Variants in ATXN2 observed in about 807,000 individuals in gnomAD.
ATXN2 encodes ataxin 2, also known as ataxin-2.
In ATXN2, 37 loss-of-function variants were observed where a neutral mutation model predicts 138.6. That is an observed-to-expected ratio of 0.27 (90% CI 0.21 to 0.35). The LOEUF is 0.35. Ranked by LOEUF, ATXN2 falls within the 10% of genes least tolerant of loss-of-function variation. The pLI, the probability that ATXN2 is intolerant of heterozygous loss-of-function variation, is 1.00. For synonymous variants in ATXN2, 549 were observed against 543.7 expected, an observed-to-expected ratio of 1.01 and a Z score of -0.13; for missense variants, 1,216 against 1,480.3, an observed-to-expected ratio of 0.82 and a Z score of 2.93.
At chr12:111,505,213 GA>G (rs374587661) in intron 14 of ATXN2, among the ~76,000 whole-genome samples, 2 of 150,736 alleles carry the variant, frequency 1.3e-5, no homozygotes, top group Non-Finnish European at 3.0e-5. Context: ...TGTGTCAAAA[GA>G]AAAAAAAAGT....
chr12:111,584,912 T>C (rs1182368317), intron 1 of ATXN2, among the ~76,000 whole-genome samples: 5 of 152,034 alleles, frequency 3.3e-5, no homozygotes, highest in Non-Finnish European at 5.9e-5. Flanking sequence ...GATCGGGCCA[T>C]TGCACTCCAG....
chr12:111,516,560 G>A lies in ATXN2; in HGVS notation c.1166-197C>T, dbSNP rs1043435701. Among the ~76,000 whole-genome samples, 2 of 152,144 alleles carry A rather than the reference G, an allele frequency of 1.3e-5. No individual in the cohort carries two copies. The highest frequency in any genetic ancestry group is 3.8e-4 in the East Asian group (2 of 5,200). On this transcript the variant is annotated intron_variant, in intron 9 of 24. Transcript: ENST00000673436. This position sits in a 1 kb window ranked among gnomAD's most constrained non-coding sequence, Gnocchi z 5.0. ...TCACATTTTACTTTAACCTCCTTAA[G>A]ATTAAGTCTGTTTAAATGAATACAC...
chr12:111,529,831 T>C (rs1010071723), intron 5 of ATXN2, among the ~76,000 whole-genome samples: 1 of 152,212 alleles, frequency 6.6e-6, no homozygotes, highest in Non-Finnish European at 1.5e-5. Flanking sequence ...AATGGTAGTG[T>C]TAAACATTAG....
In ATXN2 at chr12:111,552,289, C is replaced by A. The variant is rs1261584919; in HGVS notation, c.562G>T (p.Ala188Ser). 3.1e-6 allele frequency: 5 copies of A among 1,589,566 alleles called. No homozygotes were observed. In the Admixed American group the frequency reaches 7.5e-5, roughly 24 times the overall value. Reference protein sequence around the residue: ...VQFKDMDSSYAKRDAFTDSAI... With the variant: ...VQFKDMDSSYSKRDAFTDSAI... ...GGAAATCAAAACCCACCTCTTTTTG[C>A]ATAACTGGAGTCCATATCTTTAAAC... The change falls in exon 5 of 25, where the codon GCA (alanine) becomes TCA (serine). Residue 188 changes from alanine to serine, a missense_variant. Ala to Ser is a moderately conservative substitution (Grantham distance 99, BLOSUM62 1). Transcript: ENST00000673436. The surrounding 1 kb of genome is among the most constrained non-coding windows in gnomAD (Gnocchi z 4.1).
intron 21 of ATXN2, among the ~76,000 whole-genome samples, chr12:111,463,004 A>ATATATG (rs1555229575): frequency 3.3e-5 from 5 of 151,394 alleles, no homozygotes; most frequent in African/African-American, 9.8e-5. Flanking sequence ...ACACACACAT[A>ATATATG]TATGTATGTA....
In ATXN2 at chr12:111,485,704, A is replaced by G. The variant is rs1279886636; in HGVS notation, c.2457+9T>C. 6.2e-7 allele frequency: 1 copy of G among 1,613,610 alleles called. No individual in the cohort carries two copies. Among genetic ancestry groups the G allele is most frequent in the Non-Finnish European group, 8.5e-7 (1 of 1,179,720 alleles). ...GGAGGCTAAGTGAACATCAAATTCT[A>G]TGACTTACTTGCACGCCTGGGCTCA... On this transcript the variant is annotated intron_variant, in intron 17 of 24. Transcript: ENST00000673436.
At chr12:111,488,853 C>T (rs1289435103) in intron 14 of ATXN2, 73 bp from the exon 15 acceptor site, 1 of 1,254,346 alleles carries the variant, frequency 8.0e-7, no homozygotes, top group Non-Finnish European at 1.1e-6. Flanking sequence ...TGAGCACAAG[C>T]TACGTAATAT....
chr12:111,509,349 T>A (rs1879367295), intron 14 of ATXN2, among the ~76,000 whole-genome samples, 200 bp downstream of exon 14: 1 of 152,218 alleles, frequency 6.6e-6, no homozygotes, highest in Non-Finnish European at 1.5e-5. Context: ...ATTTGATACC[T>A]ACATATTGTT....
chr12:111,543,798 T>C (rs1881662392), intron 5 of ATXN2, among the ~76,000 whole-genome samples: 1 of 152,172 alleles, frequency 6.6e-6, no homozygotes, highest in Admixed American at 6.5e-5. Context: ...TACATTAGCG[T>C]GGGCACAGTG....
At chr12:111,503,506 A>G (rs941723511) in intron 14 of ATXN2, among the ~76,000 whole-genome samples, 1 of 152,242 alleles carries the variant, frequency 6.6e-6, no homozygotes, top group African/African-American at 2.4e-5. Flanking sequence ...ATAAGAGAAT[A>G]ACATTATATT....
intron 14 of ATXN2, among the ~76,000 whole-genome samples, chr12:111,507,121 A>C (rs1245962216): frequency 7.2e-6 from 1 of 138,170 alleles, no homozygotes; most frequent in Admixed American, 7.1e-5. Flanking sequence ...CTGCCTGGCC[A>C]CCCATCGTCT....
rs776162826 is a variant in ATXN2 at position 111,518,395 on chromosome 12, T to C, written c.1019A>G (p.Asn340Ser). Residue 340 changes from asparagine to serine, a missense_variant, in exon 9 of 25, where the codon AAT becomes AGT. By Grantham distance (46) the Asn-to-Ser change is conservative (BLOSUM62 1). Coordinates refer to ENST00000673436, the MANE Select transcript of ATXN2 (RefSeq NM_001372574.1). ...ENKYIPPGQR[N>S]REVISWGSGR... is the part of the protein sequence containing the mutation. ...ACTTCCCCAGGATATGACTTCTCTA[T>C]TTCTTTGTCCAGGAGGAATATATTT... The C allele has an allele frequency of 3.1e-6, 5 of 1,612,108 alleles. No individual in the cohort carries two copies. The highest frequency in any genetic ancestry group is 2.7e-5 in the African/African-American group (2 of 74,892).
chr12:111,577,522 C>T (rs1049745513), intron 1 of ATXN2, among the ~76,000 whole-genome samples: 2 of 152,140 alleles, frequency 1.3e-5, no homozygotes, highest in Admixed American at 1.3e-4. Context: ...GCCTCGGCCT[C>T]CCAAAGTGCT....
chr12:111,560,987 G>A (rs1180576310), intron 1 of ATXN2, among the ~76,000 whole-genome samples: 1 of 152,162 alleles, frequency 6.6e-6, no homozygotes, highest in Non-Finnish European at 1.5e-5. Flanking sequence ...CACTCCAGGA[G>A]GCCAAGGCGG....
intron 1 of ATXN2, among the ~76,000 whole-genome samples, chr12:111,573,970 A>G (rs1883484316): frequency 6.6e-6 from 1 of 151,502 alleles, no homozygotes; most frequent in South Asian, 2.1e-4. Flanking sequence ...AAAATTTAAT[A>G]ATAAATAGAC....
intron 5 of ATXN2, among the ~76,000 whole-genome samples, chr12:111,536,994 G>A (rs1234188343): frequency 1.3e-5 from 2 of 151,750 alleles, no homozygotes; most frequent in South Asian, 2.1e-4. Context: ...TGTTGGGCAG[G>A]CTGGTCTCGA....
At position 111,452,429 on chromosome 12, in the gene ATXN2, ATTTT is replaced by A. The variant is rs11348701; in HGVS notation, c.*379_*382del. The A allele has an allele frequency of 3.1e-5, 4 of 129,200 alleles. No homozygotes were observed. Among genetic ancestry groups the A allele is most frequent in the Non-Finnish European group, 5.0e-5 (3 of 60,600 alleles). 8.0% of individuals were successfully genotyped at this position (129,200 alleles called of 1,614,324 possible). Reference sequence around the variant, plus strand: ...TAGTAAAAGGGCGTTCCAAGTCTTGATTTTTTTTTTTTTTTTTTTTTAGCAGTAA... The same window carrying A: ...TAGTAAAAGGGCGTTCCAAGTCTTGATTTTTTTTTTTTTTTTTAGCAGTAA... On this transcript the variant is annotated 3_prime_UTR_variant, in exon 25 of 25. Coordinates refer to ENST00000673436, the MANE Select transcript of ATXN2 (RefSeq NM_001372574.1).
At chr12:111,542,519 T>G (rs1266315700) in intron 5 of ATXN2, among the ~76,000 whole-genome samples, 1 of 152,130 alleles carries the variant, frequency 6.6e-6, no homozygotes, top group Non-Finnish European at 1.5e-5. Flanking sequence ...CCAGCTGGAG[T>G]GCCGTGGCAT....
chr12:111,546,530 G>T (rs7971276), intron 5 of ATXN2, among the ~76,000 whole-genome samples: 15,305 of 152,146 alleles, frequency 0.1, 2,569 homozygotes, highest in African/African-American at 0.35. Context: ...CAAAGAAAAT[G>T]AAGCAGTAGG....
Sources: gnomAD v4.1 joint callset for allele counts (sites outside exome capture counted in the v4.1 genomes callset) on GRCh38, gnomAD v4.1.1 for gene constraint, Gnocchi (gnomAD v3.1) non-coding constraint, MANE v1.5 for transcripts, NCBI Gene and HGNC (gene_info 2026-07-23, HGNC 2026-07-21) for gene names.